The following PHYHIPL variants were observed in gnomAD, a reference collection of about 807,000 sequenced individuals.
PHYHIPL encodes the protein phytanoyl-CoA 2-hydroxylase interacting protein like.
Under a neutral mutation model 33.4 loss-of-function variants are expected in PHYHIPL, and 9 were observed. That is an observed-to-expected ratio of 0.27 (90% CI 0.16 to 0.47). PHYHIPL has a LOEUF of 0.47. Ranked by LOEUF, PHYHIPL falls within the 20% of genes least tolerant of loss-of-function variation. The pLI is 0.99. For missense variants in PHYHIPL, 365 were observed against 460.7 expected (o/e 0.79, Z 1.90); for synonymous variants, 153 against 154.1 (o/e 0.99, Z 0.05).
intron 1 of PHYHIPL, among the ~76,000 whole-genome samples, chr10:59,192,441 G>A (rs1321262344): frequency 6.6e-6 from 1 of 152,016 alleles, no homozygotes; most frequent in African/African-American, 2.4e-5. Context: ...CAAATTTCTA[G>A]GGGATGTTGG....
chr10:59,202,799 A>G (rs1429059572), intron 1 of PHYHIPL, among the ~76,000 whole-genome samples: 1 of 152,198 alleles, frequency 6.6e-6, no homozygotes, highest in African/African-American at 2.4e-5. Context: ...CAGTTTGTCC[A>G]TTTCTGAAGC....
chr10:59,176,967 C>A lies in PHYHIPL; in HGVS notation c.106+8C>A, dbSNP rs999516961. On this transcript the variant is annotated splice_region_variant and intron_variant, in intron 1 of 4. Transcript: ENST00000373880. Reference sequence around the variant, plus strand: ...AGCTGTGCGACCGGGACGGTAAGAGCGGCCGGGACCGCGAGGAAAGGGACA... The same window carrying A: ...AGCTGTGCGACCGGGACGGTAAGAGAGGCCGGGACCGCGAGGAAAGGGACA... 9 of 1,610,170 alleles carry A rather than the reference C, an allele frequency of 5.6e-6. No individual in the cohort carries two copies. Among genetic ancestry groups the A allele is most frequent in the Non-Finnish European group, 7.6e-6 (9 of 1,178,326 alleles).
At chr10:59,242,612 C>CA (rs1172897537) in intron 4 of PHYHIPL, among the ~76,000 whole-genome samples, 1 of 151,888 alleles carries the variant, frequency 6.6e-6, no homozygotes, top group Non-Finnish European at 1.5e-5. Flanking sequence ...AATTATCTGA[C>CA]AAAGATATTT....
At chr10:59,213,865 C>T (rs1226249624) in intron 1 of PHYHIPL, among the ~76,000 whole-genome samples, 1 of 152,136 alleles carries the variant, frequency 6.6e-6, no homozygotes, top group African/African-American at 2.4e-5. Flanking sequence ...AAGGATGAAG[C>T]ATAGCTATAA....
At chr10:59,242,857 G>GAAC (rs1200268146) in intron 4 of PHYHIPL, among the ~76,000 whole-genome samples, 7 of 152,138 alleles carry the variant, frequency 4.6e-5, no homozygotes, top group African/African-American at 1.7e-4. Flanking sequence ...TACGCAAATT[G>GAAC]AACAACAGAG....
intron 1 of PHYHIPL, among the ~76,000 whole-genome samples, chr10:59,191,679 A>T (rs941496034): frequency 4.6e-5 from 7 of 152,004 alleles, no homozygotes. Flanking sequence ...TTTCATTTTG[A>T]ACATAGTTGC....
At position 59,245,322 on chromosome 10, in the gene PHYHIPL, G is replaced by A; in HGVS notation, c.862G>A (p.Val288Met). 14 of 1,614,150 alleles carry A rather than the reference G, an allele frequency of 8.7e-6. No homozygotes were observed. Among genetic ancestry groups the A allele is most frequent in the Non-Finnish European group, 1.2e-5 (14 of 1,180,016 alleles). Residue 288 changes from valine to methionine, a missense_variant, in exon 5 of 5, where the codon GTG becomes ATG. Transcript: ENST00000373880. ...YHYVILVIAPVGSPGDEFCKQ... is the reference protein window; with the variant it reads ...YHYVILVIAPMGSPGDEFCKQ... Reference sequence around the variant, plus strand: ...TTATGTGATTCTTGTTATTGCTCCTGTGGGATCACCAGGAGATGAATTTTG... The same window carrying A: ...TTATGTGATTCTTGTTATTGCTCCTATGGGATCACCAGGAGATGAATTTTG...
chr10:59,191,386 T>C (rs549944656), intron 1 of PHYHIPL, among the ~76,000 whole-genome samples: 1 of 152,100 alleles, frequency 6.6e-6, no homozygotes, highest in East Asian at 1.9e-4. Context: ...TAATGCAACA[T>C]TTGATAAGGT....
At chr10:59,201,547 GGAGAGTTCTGTA>G (rs1465894092) in intron 1 of PHYHIPL, among the ~76,000 whole-genome samples, 4 of 152,160 alleles carry the variant, frequency 2.6e-5, no homozygotes, top group African/African-American at 9.7e-5. Flanking sequence ...GATTTGGGGT[GGAGAGTTCTGTA>G]GATGTCTGTT....
At chr10:59,200,665 C>T (rs972157881) in intron 1 of PHYHIPL, among the ~76,000 whole-genome samples, 4 of 152,128 alleles carry the variant, frequency 2.6e-5, no homozygotes, top group East Asian at 3.9e-4. Context: ...TGGTAGAATT[C>T]GGCTGTGAAT....
intron 1 of PHYHIPL, among the ~76,000 whole-genome samples, chr10:59,227,973 G>GATATATATATATAT (rs1564456112): frequency 2.9e-5 from 3 of 104,708 alleles, no homozygotes; most frequent in African/African-American, 1.6e-4. Context: ...TTTGCCTATT[G>GATATATATATATAT]AGATATATAT....
At chr10:59,222,549 A>G (rs556492717) in intron 1 of PHYHIPL, among the ~76,000 whole-genome samples, 2 of 152,208 alleles carry the variant, frequency 1.3e-5, no homozygotes, top group East Asian at 3.9e-4. Flanking sequence ...AAACAACAAA[A>G]CAAAAAGGAG....
At chr10:59,186,986 A>T (rs1838626103) in intron 1 of PHYHIPL, among the ~76,000 whole-genome samples, 1 of 152,160 alleles carries the variant, frequency 6.6e-6, no homozygotes, top group Admixed American at 6.5e-5. Context: ...CCTGGCCAGA[A>T]CTTCCAACAC....
chr10:59,209,513 G>C (rs1839386681), intron 1 of PHYHIPL, among the ~76,000 whole-genome samples: 1 of 152,126 alleles, frequency 6.6e-6, no homozygotes, highest in African/African-American at 2.4e-5. Flanking sequence ...TGAAGAAACT[G>C]CATCAACTAA....
At chr10:59,199,434 G>A (rs1488707931) in intron 1 of PHYHIPL, among the ~76,000 whole-genome samples, 2 of 152,162 alleles carry the variant, frequency 1.3e-5, no homozygotes, top group East Asian at 3.9e-4. Flanking sequence ...TTTGGTGCCA[G>A]TACCTTGCTG....
At chr10:59,187,623 A>T (rs1742370202) in intron 1 of PHYHIPL, among the ~76,000 whole-genome samples, 1 of 152,122 alleles carries the variant, frequency 6.6e-6, no homozygotes. Context: ...TAAGCTATTA[A>T]TTATTGCCTC....
intron 1 of PHYHIPL, chr10:59,177,209 C>T: frequency 1.7e-6 from 1 of 583,088 alleles, no homozygotes; most frequent in South Asian, 2.3e-5. Flanking sequence ...GCCGCCTTCG[C>T]CCGCCTGGCC....
chr10:59,233,530 T>G (rs1840138128), intron 1 of PHYHIPL, among the ~76,000 whole-genome samples: 2 of 151,822 alleles, frequency 1.3e-5, no homozygotes, highest in Admixed American at 1.3e-4. Context: ...GTCTTTCCTA[T>G]ATGTAAAACA....
At chr10:59,238,564 A>G (rs1437000159) in intron 3 of PHYHIPL, 24 bp from the exon 4 acceptor site, 2 of 1,366,816 alleles carry the variant, frequency 1.5e-6, no homozygotes, top group African/African-American at 2.9e-5. Context: ...ATTTTTAATA[A>G]CAGACTTTTT....
Sources: gnomAD v4.1 joint callset for allele counts (sites outside exome capture counted in the v4.1 genomes callset) on GRCh38, gnomAD v4.1.1 for gene constraint, MANE v1.5 for transcripts, NCBI Gene and HGNC (gene_info 2026-07-23, HGNC 2026-07-21) for gene names.